CALD1: variants seen among roughly 807,000 people sequenced by gnomAD.
The protein encoded by CALD1 is caldesmon 1.
A neutral mutation model predicts 99.9 loss-of-function variants in CALD1; 33 were observed. The ratio of observed to expected loss-of-function variants is 0.33; its 90% CI spans 0.25 to 0.44. The LOEUF is 0.44. Among genes scored for constraint, CALD1 ranks in the 20% least tolerant of loss-of-function variants. The pLI, the probability that CALD1 is intolerant of heterozygous loss-of-function variation, is 1.00. For synonymous variants in CALD1, 310 were observed against 325.0 expected, an observed-to-expected ratio of 0.95 and a Z score of 0.50; for missense variants, 861 against 962.1, an observed-to-expected ratio of 0.89 and a Z score of 1.39.
intron 3 of CALD1, chr7:134,891,446 C>G: frequency 7.6e-7 from 1 of 1,315,872 alleles, no homozygotes; most frequent in Non-Finnish European, 9.8e-7. Flanking sequence ...CCCAGACTTT[C>G]GTCACAGGGA....
At chr7:134,726,059 TAA>T in the CALD1 span, among the ~76,000 whole-genome samples, 1 of 152,144 alleles carries the variant, frequency 6.6e-6, no homozygotes, top group African/African-American at 2.4e-5. Context: ...ATTAGAAGAC[TAA>T]TACACCAAGT....
At chr7:134,799,588 T>C (rs954664008) in intron 1 of CALD1, among the ~76,000 whole-genome samples, 13 of 152,222 alleles carry the variant, frequency 8.5e-5, no homozygotes, top group African/African-American at 3.1e-4. Context: ...GCTCTGCAGC[T>C]GAAAGAACAT....
chr7:134,852,120 C>G (rs1195276317), intron 2 of CALD1, among the ~76,000 whole-genome samples: 6 of 151,996 alleles, frequency 3.9e-5, no homozygotes, highest in Non-Finnish European at 7.4e-5. Flanking sequence ...AACAGCAAGG[C>G]CATATAGTAT....
At chr7:134,957,074 C>T (rs1807831346) in intron 9 of CALD1, among the ~76,000 whole-genome samples, 1 of 152,098 alleles carries the variant, frequency 6.6e-6, no homozygotes, top group Non-Finnish European at 1.5e-5. Context: ...GGGCTCATTT[C>T]CTCATTTCAC....
chr7:134,935,864 A>G (rs756718437), intron 6 of CALD1, 99 bp downstream of exon 6: 262 of 1,165,608 alleles, frequency 2.2e-4, no homozygotes, highest in Non-Finnish European at 2.9e-4. Context: ...GTAACCTCAT[A>G]TCCAGTGTAT....
intron 2 of CALD1, among the ~76,000 whole-genome samples, chr7:134,859,965 G>A (rs1483153384): frequency 6.6e-6 from 1 of 152,134 alleles, no homozygotes; most frequent in African/African-American, 2.4e-5. Flanking sequence ...TGCTAGTGGA[G>A]AAGTACAAAT....
chr7:134,775,429 C>T (rs1028559508), upstream of CALD1, among the ~76,000 whole-genome samples: 14 of 152,096 alleles, frequency 9.2e-5, no homozygotes, highest in Non-Finnish European at 1.3e-4. Flanking sequence ...ATAATGAATG[C>T]GGCCGGGCAC....
intron 9 of CALD1, among the ~76,000 whole-genome samples, chr7:134,951,676 GC>G (rs1807350886): frequency 6.6e-6 from 1 of 152,176 alleles, no homozygotes; most frequent in South Asian, 2.1e-4. Flanking sequence ...AAAACAGAGT[GC>G]TGCCAAGAGA....
chr7:134,799,936 C>T (rs1585971191), intron 1 of CALD1, among the ~76,000 whole-genome samples: 2 of 151,380 alleles, frequency 1.3e-5, no homozygotes, highest in Middle Eastern at 6.9e-3. Flanking sequence ...AAGAAAGGGC[C>T]AAGAGGATGA....
chr7:134,728,408 C>T, the CALD1 span, among the ~76,000 whole-genome samples: 1 of 152,194 alleles, frequency 6.6e-6, no homozygotes, highest in Non-Finnish European at 1.5e-5. Flanking sequence ...TGCTTGGTTA[C>T]AGCTCAGCGT....
At chr7:134,964,514 G>A (rs1808521624) in intron 13 of CALD1, among the ~76,000 whole-genome samples, 1 of 152,118 alleles carries the variant, frequency 6.6e-6, no homozygotes, top group African/African-American at 2.4e-5. Flanking sequence ...ACTGCTCCTG[G>A]GGATGTTATA....
chr7:134,871,767 G>A (rs530476183), intron 3 of CALD1, among the ~76,000 whole-genome samples: 1 of 152,156 alleles, frequency 6.6e-6, no homozygotes, highest in Non-Finnish European at 1.5e-5. Context: ...TATTGAGTCT[G>A]ATTGCCAGAT....
At chr7:134,871,735 CCT>C (rs1801089303) in intron 3 of CALD1, among the ~76,000 whole-genome samples, 1 of 151,882 alleles carries the variant, frequency 6.6e-6, no homozygotes, top group Non-Finnish European at 1.5e-5. Context: ...ATAAAAATAC[CCT>C]GTTATTTTTA....
intron 2 of CALD1, among the ~76,000 whole-genome samples, chr7:134,859,866 A>G (rs1800485816): frequency 6.6e-6 from 1 of 152,172 alleles, no homozygotes; most frequent in Non-Finnish European, 1.5e-5. Flanking sequence ...ACAAATCTAA[A>G]CTACTCAAAC....
chr7:134,817,745 C>G (rs1410497593), intron 1 of CALD1, among the ~76,000 whole-genome samples: 1 of 152,122 alleles, frequency 6.6e-6, no homozygotes, highest in Admixed American at 6.5e-5. Context: ...TCCATTGGTG[C>G]AAAGTTTTTA....
At chr7:134,822,280 T>A (rs984256798) in intron 1 of CALD1, among the ~76,000 whole-genome samples, 7 of 152,086 alleles carry the variant, frequency 4.6e-5, no homozygotes, top group African/African-American at 1.4e-4. Context: ...TATCTTTTAT[T>A]TGGGCCAATG....
At chr7:134,911,102 C>T (rs1803773472) in intron 3 of CALD1, among the ~76,000 whole-genome samples, 1 of 152,036 alleles carries the variant, frequency 6.6e-6, no homozygotes, top group African/African-American at 2.4e-5. Context: ...GTCTCCAAGC[C>T]TAGCTTTTAG....
chr7:134,790,050 A>T (rs1797460308), intron 1 of CALD1, among the ~76,000 whole-genome samples: 1 of 149,850 alleles, frequency 6.7e-6, no homozygotes, highest in Admixed American at 6.7e-5. Context: ...GTAAGAAAAG[A>T]GGGAGGGAGA....
At position 134,903,503 on chromosome 7, in the gene CALD1, T is replaced by G. The variant is rs187743982; in HGVS notation, c.72-25251T>G. ...TAAATAAATCACAAGCAGGGTTGGT[T>G]CCTTCTGAGAACCGTGAGGAAGAAT... On this transcript the variant is annotated intron_variant, in intron 3 of 14. Transcript: ENST00000361675. Among the ~76,000 whole-genome samples, 607 of 152,274 alleles carry G rather than the reference T, an allele frequency of 4.0e-3. 3 individuals are homozygous for G. Among genetic ancestry groups the G allele is most frequent in the Non-Finnish European group, 7.1e-3 (482 of 68,034 alleles).
Sources: allele counts gnomAD v4.1 joint callset (sites outside exome capture counted in the v4.1 genomes callset), GRCh38; gene constraint gnomAD v4.1.1; transcripts MANE v1.5; gene names NCBI Gene and HGNC (gene_info 2026-07-23, HGNC 2026-07-21).